The following KIF26B variants were observed in gnomAD, a reference collection of about 807,000 sequenced individuals.
KIF26B encodes the protein kinesin-like protein KIF26B.
KIF26B carries 63 observed loss-of-function variants against 151.2 expected under a neutral mutation model. That is an observed-to-expected ratio of 0.42 (90% CI 0.34 to 0.51). The LOEUF (loss-of-function observed/expected upper bound fraction) is 0.51. KIF26B is among the 20% of genes least tolerant of loss of function. The pLI, the probability that KIF26B is intolerant of heterozygous loss-of-function variation, is 0.07. For synonymous variants in KIF26B, 1,357 were observed against 1,262.1 expected, an observed-to-expected ratio of 1.08 and a Z score of -1.59; for missense variants, 2,813 against 2,913.6, an observed-to-expected ratio of 0.97 and a Z score of 0.79.
chr1:245,679,449 T>TTTTG (rs369356162), intron 10 of KIF26B, among the ~76,000 whole-genome samples: 4 of 102,444 alleles, frequency 3.9e-5, no homozygotes, highest in South Asian at 6.6e-4. Flanking sequence ...TGTGTTTTTT[T>TTTTG]TGTGTGTGTT....
chr1:245,405,938 C>T (rs772381378), intron 3 of KIF26B, among the ~76,000 whole-genome samples: 5 of 152,182 alleles, frequency 3.3e-5, no homozygotes, highest in Admixed American at 1.3e-4. Context: ...AATTCTTGTT[C>T]ACCAATGACA....
chr1:245,541,796 C>T (rs1661632028), intron 5 of KIF26B, among the ~76,000 whole-genome samples: 1 of 152,168 alleles, frequency 6.6e-6, no homozygotes, highest in African/African-American at 2.4e-5. Context: ...AACTACTAAA[C>T]TGTGGGGATT....
chr1:245,522,037 T>C (rs551275222), intron 4 of KIF26B, among the ~76,000 whole-genome samples: 4 of 151,714 alleles, frequency 2.6e-5, no homozygotes, highest in Non-Finnish European at 5.9e-5. Context: ...GCCCGGCTAA[T>C]TTTTTGTATT....
chr1:245,673,731 GT>G (rs2044323445), intron 10 of KIF26B: 2 of 152,232 alleles, frequency 1.3e-5, no homozygotes, highest in Admixed American at 1.3e-4. Context: ...GCACAGGAAT[GT>G]TCTAAAAATG....
intron 10 of KIF26B, among the ~76,000 whole-genome samples, chr1:245,662,459 C>A (rs62650671): frequency 1.8e-4 from 25 of 142,310 alleles, no homozygotes; most frequent in African/African-American, 6.7e-4. Context: ...TATATATACA[C>A]CCCATGATAC....
chr1:245,361,875 A>G lies in KIF26B; in HGVS notation c.466-4959A>G, dbSNP rs117023328. ...GTGAGCCGCTTGGGGACTTTAGTCC[A>G]TGCACATGTCGTGTCAGTGCAGATG... On this transcript the variant is annotated intron_variant, in intron 2 of 14. Transcript: ENST00000407071. 9.9e-5 allele frequency among the ~76,000 whole-genome samples: 15 copies of G among 152,016 alleles called. No individual in the cohort carries two copies. In the East Asian group the frequency reaches 2.5e-3, roughly 26 times the overall value.
At chr1:245,212,736 C>T (rs921684070) in intron 2 of KIF26B, among the ~76,000 whole-genome samples, 2 of 152,350 alleles carry the variant, frequency 1.3e-5, no homozygotes, top group Admixed American at 6.5e-5. Context: ...CGTCGGGCCC[C>T]GAGTCAGCCG....
intron 2 of KIF26B, among the ~76,000 whole-genome samples, chr1:245,289,459 A>T (rs1444394325): frequency 6.6e-6 from 1 of 152,230 alleles, no homozygotes; most frequent in Non-Finnish European, 1.5e-5. Context: ...GCAGAAAATG[A>T]GAAGGAACCA....
rs1216955703 is a variant in KIF26B at position 245,666,107 on chromosome 1, TCTC to T, written c.2259-18121_2259-18119del. On this transcript the variant is annotated intron_variant, in intron 10 of 14. Coordinates refer to ENST00000407071, the MANE Select transcript of KIF26B (RefSeq NM_018012.4). The stretch of plus-strand genomic sequence containing the variant: ...CCTCTGCCTCCTGGGTTTAAGCAAT[TCTC>T]CTCCCTCAGCCTCCCAAGTGGCTGG... Among the ~76,000 whole-genome samples, 8 of 139,038 alleles carry T rather than the reference TCTC, an allele frequency of 5.8e-5. No homozygotes were observed. The East Asian group carries it at 9.2e-4, about 16-fold the overall frequency. 91.2% of individuals were successfully genotyped at this position (139,038 alleles called of 152,430 possible).
At chr1:245,303,705 C>T (rs1671486333) in intron 2 of KIF26B, among the ~76,000 whole-genome samples, 3 of 152,160 alleles carry the variant, frequency 2.0e-5, no homozygotes, top group Non-Finnish European at 2.9e-5. Flanking sequence ...TGGAATTCCC[C>T]CAAAATCAAA....
Position 245,703,329 on chromosome 1 carries a change from G to C in KIF26B, c.*723G>C, listed in dbSNP as rs1359738266. 6.6e-6 allele frequency: 1 copy of C among 152,394 alleles called. No individual in the cohort carries two copies. The highest frequency in any genetic ancestry group is 1.5e-5 in the Non-Finnish European group (1 of 68,052). 9.4% of individuals were successfully genotyped at this position (152,394 alleles called of 1,614,324 possible). A position where few individuals can be genotyped will look rare whatever the true frequency, so the allele number is the denominator to read the frequency against. On this transcript the variant is annotated 3_prime_UTR_variant, in exon 15 of 15. Coordinates refer to ENST00000407071, the MANE Select transcript of KIF26B (RefSeq NM_018012.4). ...TGTGTGTGTTTCCAAAGTAGGTTTG[G>C]AGCAGCAGGTGACCTCGATGCCACA...
At chr1:245,269,991 T>C (rs1670822105) in intron 2 of KIF26B, among the ~76,000 whole-genome samples, 1 of 152,204 alleles carries the variant, frequency 6.6e-6, no homozygotes, top group Non-Finnish European at 1.5e-5. Flanking sequence ...CACATGGTAG[T>C]TCTGTTTTTA....
intron 4 of KIF26B, among the ~76,000 whole-genome samples, chr1:245,519,680 A>G (rs1055018103): frequency 3.3e-5 from 5 of 152,160 alleles, no homozygotes; most frequent in African/African-American, 1.2e-4. Context: ...TACTTCCACA[A>G]ATCTAGATGG....
intron 3 of KIF26B, among the ~76,000 whole-genome samples, chr1:245,414,895 T>C (rs1199680451): frequency 6.6e-6 from 1 of 152,150 alleles, no homozygotes; most frequent in Non-Finnish European, 1.5e-5. Context: ...GGTTATTCAG[T>C]AAACTTCAGT....
intron 3 of KIF26B, among the ~76,000 whole-genome samples, chr1:245,404,381 G>A (rs758290996): frequency 6.6e-6 from 1 of 152,012 alleles, no homozygotes; most frequent in Non-Finnish European, 1.5e-5. Flanking sequence ...ATGAACTCCC[G>A]GGTCCAACTC....
intron 2 of KIF26B, among the ~76,000 whole-genome samples, chr1:245,174,499 C>T (rs55760560): frequency 0.76 from 113,992 of 150,204 alleles, 46,612 homozygotes; most frequent in Non-Finnish European, 0.9. Flanking sequence ...TATGTATGTA[C>T]TTATTTATTT....
intron 2 of KIF26B, among the ~76,000 whole-genome samples, chr1:245,165,518 G>A (rs1668601164): frequency 6.6e-6 from 1 of 152,204 alleles, no homozygotes; most frequent in Non-Finnish European, 1.5e-5. Context: ...TGGAGATATG[G>A]ATCTGGGGGA....
chr1:245,193,226 C>G (rs1200682828), intron 2 of KIF26B, among the ~76,000 whole-genome samples: 1 of 152,228 alleles, frequency 6.6e-6, no homozygotes, highest in African/African-American at 2.4e-5. Context: ...ATGATCTTGG[C>G]TGCATAGTGT....
intron 2 of KIF26B, among the ~76,000 whole-genome samples, chr1:245,230,588 C>T (rs1255876148): frequency 2.6e-5 from 4 of 151,522 alleles, no homozygotes; most frequent in Non-Finnish European, 4.4e-5. Context: ...ACTAAAAATA[C>T]AAAAATCAGC....
Sources: gnomAD v4.1 joint callset for allele counts (sites outside exome capture counted in the v4.1 genomes callset) on GRCh38, gnomAD v4.1.1 for gene constraint, MANE v1.5 for transcripts, NCBI Gene and HGNC (gene_info 2026-07-23, HGNC 2026-07-21) for gene names.